TENT4B: variants seen among roughly 807,000 people sequenced by gnomAD.
TENT4B encodes terminal nucleotidyltransferase 4B.
Under a neutral mutation model 75.0 loss-of-function variants are expected in TENT4B, and 10 were observed. That is an observed-to-expected ratio of 0.13 (90% CI 0.08 to 0.23). The LOEUF (loss-of-function observed/expected upper bound fraction) is 0.23. TENT4B is among the 10% of genes least tolerant of loss of function. The pLI, the probability that TENT4B is intolerant of heterozygous loss-of-function variation, is 1.00. For missense variants in TENT4B, 579 were observed against 893.8 expected (o/e 0.65, Z 4.49); for synonymous variants, 350 against 357.7 (o/e 0.98, Z 0.24).
At chr16:50,156,487 G>T (rs2037903559) in intron 1 of TENT4B, among the ~76,000 whole-genome samples, 1 of 151,936 alleles carries the variant, frequency 6.6e-6, no homozygotes, top group Non-Finnish European at 1.5e-5. Context: ...TGGGATTACA[G>T]GCGCTTGCCA....
chr16:50,164,433 C>T (rs976636552), intron 1 of TENT4B, among the ~76,000 whole-genome samples: 11 of 152,120 alleles, frequency 7.2e-5, no homozygotes, highest in South Asian at 4.2e-4. Context: ...CTCAGCCTCC[C>T]GAGTAGCTGG....
Position 50,154,176 on chromosome 16 carries a change from G to A in TENT4B, c.555G>A (p.Ala185=). The change falls in exon 1 of 12, where the codon GCG becomes GCA. Residue 185 remains alanine, a synonymous_variant. Transcript: ENST00000561678. ...SLLQPSGGRA[A]GGGRADGGGV... is the part of the protein sequence containing the mutation. ...TGCAGCCCAGCGGAGGGCGGGCCGCGGGGGGCGGCCGAGCAGACGGCGGCG... is the reference window on the plus strand; with the variant it reads ...TGCAGCCCAGCGGAGGGCGGGCCGCAGGGGGCGGCCGAGCAGACGGCGGCG... The A allele has an allele frequency of 1.3e-6, 2 of 1,509,538 alleles. No homozygotes were observed. The highest frequency in any genetic ancestry group is 1.4e-5 in the African/African-American group (1 of 70,728). The allele number at this position is 1,509,538 out of a possible 1,614,324, so 93.5% of individuals were successfully genotyped here.
At position 50,229,975 on chromosome 16, in the gene TENT4B, A is replaced by G; in HGVS notation, c.*647A>G. ...AATCTAAATTGTCATCTTAACATCC[A>G]TATATAGGGAAGTGATTAGTTCTAT... On this transcript the variant is annotated 3_prime_UTR_variant, in exon 12 of 12. Coordinates refer to ENST00000561678, the MANE Select transcript of TENT4B (RefSeq NM_001365324.3). 1 of 953,018 alleles carries G rather than the reference A, an allele frequency of 1.0e-6. No individual in the cohort carries two copies. Among genetic ancestry groups the G allele is most frequent in the Non-Finnish European group, 1.2e-6 (1 of 800,246 alleles). The allele number at this position is 953,018 out of a possible 1,614,324, so 59.0% of individuals were successfully genotyped here.
chr16:50,162,351 A>G (rs1232937813), intron 1 of TENT4B, among the ~76,000 whole-genome samples: 1 of 152,220 alleles, frequency 6.6e-6, no homozygotes, highest in Non-Finnish European at 1.5e-5. Context: ...TTGTATGGTA[A>G]GTGCATGTTT....
Position 50,153,392 on chromosome 16 carries a change from GA to G in TENT4B, c.-229del, listed in dbSNP as rs1159231798. Among the ~76,000 whole-genome samples the G allele has an allele frequency of 1.4e-5, 2 of 146,060 alleles. No individual in the cohort carries two copies. Among genetic ancestry groups the G allele is most frequent in the East Asian group, 2.0e-4 (1 of 5,002 alleles). ...CGGCGGAGGGGCGGAGGGGCGGAGGGAGGGGGGGAGGGCCCGCGGAGCCCCC... is the reference window on the plus strand; with the variant it reads ...CGGCGGAGGGGCGGAGGGGCGGAGGGGGGGGGGAGGGCCCGCGGAGCCCCC... On this transcript the variant is annotated 5_prime_UTR_variant, in exon 1 of 12. Transcript: ENST00000561678.
intron 1 of TENT4B, among the ~76,000 whole-genome samples, chr16:50,174,284 G>A (rs1363437402): frequency 1.3e-5 from 2 of 151,940 alleles, no homozygotes; most frequent in Admixed American, 6.6e-5. Context: ...TTATAGTAGG[G>A]ACAGGGTTTT....
At chr16:50,222,264 G>A in intron 5 of TENT4B, 42 bp from the exon 6 acceptor site, 1 of 1,534,660 alleles carries the variant, frequency 6.5e-7, no homozygotes, top group Non-Finnish European at 8.8e-7. Flanking sequence ...TAGATCTGTT[G>A]CTGATACAGG....
intron 1 of TENT4B, among the ~76,000 whole-genome samples, chr16:50,208,257 G>A (rs768925564): frequency 2.0e-5 from 3 of 152,162 alleles, no homozygotes; most frequent in African/African-American, 7.2e-5. Context: ...ATAGGAAGGT[G>A]GTGCCATGGG....
chr16:50,202,525 A>G (rs1362932250), intron 1 of TENT4B, among the ~76,000 whole-genome samples: 1 of 152,172 alleles, frequency 6.6e-6, no homozygotes, highest in Non-Finnish European at 1.5e-5. Flanking sequence ...TCACTCAGAT[A>G]TTTGAGGATT....
intron 1 of TENT4B, among the ~76,000 whole-genome samples, chr16:50,180,932 T>C (rs546916290): frequency 6.6e-6 from 1 of 152,236 alleles, no homozygotes; most frequent in Non-Finnish European, 1.5e-5. Flanking sequence ...TAGTTTTGCT[T>C]CCTTAAAATA....
chr16:50,212,631 A>T (rs376478033), intron 2 of TENT4B, among the ~76,000 whole-genome samples: 5 of 152,278 alleles, frequency 3.3e-5, no homozygotes, highest in African/African-American at 1.2e-4. Context: ...AGGCAAGGGT[A>T]CTAATGTTTT....
At chr16:50,224,434 G>A (rs530335817) in intron 7 of TENT4B, among the ~76,000 whole-genome samples, 2 of 152,188 alleles carry the variant, frequency 1.3e-5, no homozygotes, top group East Asian at 3.9e-4. Flanking sequence ...AATTCTTGAT[G>A]GGCCAGAATA....
rs551468320 is a variant in TENT4B, at chr16:50,189,114, G to A, written c.639-22209G>A. 3.8e-3 allele frequency among the ~76,000 whole-genome samples: 585 copies of A among 152,210 alleles called. 7 individuals are homozygous for A. Among genetic ancestry groups the A allele is most frequent in the Non-Finnish European group, 6.8e-3 (461 of 68,006 alleles). On this transcript the variant is annotated intron_variant, in intron 1 of 11. Coordinates refer to ENST00000561678, the MANE Select transcript of TENT4B (RefSeq NM_001365324.3). The stretch of plus-strand genomic sequence containing the variant: ...CTTCAGCTTTTCTTATTGCTTGTAG[G>A]AAGGCTGTTTCCATTGAATACAAAC...
chr16:50,217,531 C>G, intron 4 of TENT4B, 25 bp from the exon 5 acceptor site: 1 of 1,265,530 alleles, frequency 7.9e-7, no homozygotes, highest in Non-Finnish European at 1.1e-6. Flanking sequence ...AAAGCATTTA[C>G]ATTTTACCTT....
chr16:50,154,015 C>CCTCCCTCGGCGTCCTCGT lies in TENT4B; in HGVS notation c.396_413dup (p.Ser134_Pro139dup). Reference sequence around the variant, plus strand: ...CCGGGCGGGCTCCTCGGCGTCCTCGCCTCCCTCGGCGTCCTCGTCCCCGCA... The same window carrying CCTCCCTCGGCGTCCTCGT: ...CCGGGCGGGCTCCTCGGCGTCCTCGCCTCCCTCGGCGTCCTCGTCTCCCTCGGCGTCCTCGTCCCCGCA... On this transcript the variant is annotated inframe_insertion, in exon 1 of 12. Transcript: ENST00000561678. 1 of 1,533,558 alleles carries CCTCCCTCGGCGTCCTCGT rather than the reference C, an allele frequency of 6.5e-7. No homozygotes were observed. The highest frequency in any genetic ancestry group is 8.7e-7 in the Non-Finnish European group (1 of 1,145,816). 95.0% of individuals were successfully genotyped at this position (1,533,558 alleles called of 1,614,324 possible).
At chr16:50,161,336 A>G (rs1454555040) in intron 1 of TENT4B, among the ~76,000 whole-genome samples, 2 of 152,230 alleles carry the variant, frequency 1.3e-5, no homozygotes, top group African/African-American at 4.8e-5. Flanking sequence ...AAAAAGCTGA[A>G]TGTTGAGCCA....
At chr16:50,174,687 T>A (rs2038269415) in intron 1 of TENT4B, among the ~76,000 whole-genome samples, 1 of 151,920 alleles carries the variant, frequency 6.6e-6, no homozygotes. Flanking sequence ...TACCTGGCTT[T>A]ATTTTTTTTA....
At chr16:50,180,597 T>G (rs1455918432) in intron 1 of TENT4B, among the ~76,000 whole-genome samples, 1 of 151,990 alleles carries the variant, frequency 6.6e-6, no homozygotes, top group Non-Finnish European at 1.5e-5. Context: ...TGGTCCCAGC[T>G]ACTCTGGAAG....
In TENT4B at chr16:50,223,091, G is replaced by T. The variant is rs2031900612; in HGVS notation, c.1168-83G>T. On this transcript the variant is annotated intron_variant, in intron 6 of 11. Coordinates refer to ENST00000561678, the MANE Select transcript of TENT4B (RefSeq NM_001365324.3). ...AACCAAAATTATAATAATATTGCTT[G>T]TAGAAGTTAGAATATAATTTATTCC... is the stretch of plus-strand genomic sequence containing the variant. 2.6e-6 allele frequency: 3 copies of T among 1,144,362 alleles called. No individual in the cohort carries two copies. In the South Asian group the frequency reaches 4.6e-5, roughly 18 times the overall value. 70.9% of individuals were successfully genotyped at this position (1,144,362 alleles called of 1,614,324 possible).
Sources: gnomAD v4.1 joint callset for allele counts (sites outside exome capture counted in the v4.1 genomes callset) on GRCh38, gnomAD v4.1.1 for gene constraint, MANE v1.5 for transcripts, NCBI Gene and HGNC (gene_info 2026-07-23, HGNC 2026-07-21) for gene names.